Variants in SEMA5A observed in about 807,000 individuals in gnomAD.
SEMA5A encodes the protein semaphorin-5A.
In SEMA5A, 55 loss-of-function variants were observed where a neutral mutation model predicts 135.5. The observed-to-expected ratio is 0.41, with a 90% CI of 0.33 to 0.51. The LOEUF (loss-of-function observed/expected upper bound fraction) is 0.51. Among genes scored for constraint, SEMA5A ranks in the 20% least tolerant of loss-of-function variants. The probability of loss-of-function intolerance (pLI) is 0.37; values close to 1 mark genes in which losing one functional copy is unlikely to be tolerated. For missense variants in SEMA5A, 1,290 were observed against 1,419.9 expected (o/e 0.91, Z 1.47); for synonymous variants, 580 against 546.5 (o/e 1.06, Z -0.85).
chr5:9,412,490 CT>C (rs34854075), intron 2 of SEMA5A, among the ~76,000 whole-genome samples: 83,326 of 102,794 alleles, frequency 0.81, 33,545 homozygotes, highest in East Asian at 0.87. Flanking sequence ...TACTTCATTG[CT>C]TTTTTTTTTT....
chr5:9,521,160 A>C lies in SEMA5A; in HGVS notation c.-175+24424T>G, dbSNP rs187460022. ...CCTGGTGGCTCACACCTGTAATCCC[A>C]GCACTTTGGGAGGCTGAGGCAGGCA... On this transcript the variant is annotated intron_variant, in intron 1 of 22. Transcript: ENST00000382496. 5.0e-4 allele frequency among the ~76,000 whole-genome samples: 76 copies of C among 152,354 alleles called. No individual in the cohort carries two copies. In the East Asian group the frequency reaches 0.011, roughly 22 times the overall value.
At chr5:9,512,244 T>C (rs1736247154) in intron 1 of SEMA5A, among the ~76,000 whole-genome samples, 1 of 152,252 alleles carries the variant, frequency 6.6e-6, no homozygotes, top group African/African-American at 2.4e-5. Flanking sequence ...ACATTTACTT[T>C]TGTATGACTT....
At chr5:9,426,432 T>TAAATAAAATAAAATA (rs149891161) in intron 2 of SEMA5A, among the ~76,000 whole-genome samples, 32,360 of 120,832 alleles carry the variant, frequency 0.27, 5,348 homozygotes, top group Non-Finnish European at 0.31. Flanking sequence ...CTCAAAAAAA[T>TAAATAAAATAAAATA]AAATAAAATA....
chr5:9,412,542 A>C (rs546223799), intron 2 of SEMA5A, among the ~76,000 whole-genome samples: 8 of 147,156 alleles, frequency 5.4e-5, no homozygotes, highest in Non-Finnish European at 1.2e-4. Context: ...TTACAGGCTA[A>C]GAATCTCTTA....
At chr5:9,112,944 T>A (rs1368669561) in intron 15 of SEMA5A, among the ~76,000 whole-genome samples, 1 of 152,214 alleles carries the variant, frequency 6.6e-6, no homozygotes, top group Non-Finnish European at 1.5e-5. Context: ...GTCAAGGAAT[T>A]GAGGGCAGCC....
intron 11 of SEMA5A, among the ~76,000 whole-genome samples, chr5:9,170,687 G>T (rs549979270): frequency 6.6e-6 from 1 of 152,180 alleles, no homozygotes; most frequent in East Asian, 1.9e-4. Flanking sequence ...AGCCAGAAAA[G>T]GGTCCTCATG....
At chr5:9,544,655 C>CGGGGATCCCGAG (rs1311652885) in intron 1 of SEMA5A, among the ~76,000 whole-genome samples, 2 of 152,196 alleles carry the variant, frequency 1.3e-5, no homozygotes, top group Non-Finnish European at 2.9e-5. Flanking sequence ...CGCCCCCTGC[C>CGGGGATCCCGAG]GGGAATCCCG....
chr5:9,373,227 A>T (rs1755218679), intron 3 of SEMA5A, among the ~76,000 whole-genome samples: 1 of 152,240 alleles, frequency 6.6e-6, no homozygotes, highest in Admixed American at 6.5e-5. Flanking sequence ...ATATAATGAT[A>T]TGTTTTGAAA....
chr5:9,109,759 A>G (rs1740142377), intron 15 of SEMA5A, among the ~76,000 whole-genome samples: 1 of 152,218 alleles, frequency 6.6e-6, no homozygotes, highest in African/African-American at 2.4e-5. Context: ...AAATAAACAC[A>G]GGGACATGGA....
chr5:9,101,676 C>A (rs976495640), intron 16 of SEMA5A, among the ~76,000 whole-genome samples: 1 of 152,042 alleles, frequency 6.6e-6, no homozygotes, highest in South Asian at 2.1e-4. Context: ...AATCCAGGTC[C>A]ACCGGCTTGT....
chr5:9,202,385 CAGCTTA>C, intron 8 of SEMA5A, 145 bp from the exon 9 acceptor site: 1 of 603,222 alleles, frequency 1.7e-6, no homozygotes, highest in Non-Finnish European at 2.6e-6. Flanking sequence ...GCCCCGTGAG[CAGCTTA>C]ATGATCTACA....
chr5:9,163,320 TA>T (rs1310718334), intron 11 of SEMA5A, among the ~76,000 whole-genome samples: 1 of 151,906 alleles, frequency 6.6e-6, no homozygotes, highest in Non-Finnish European at 1.5e-5. Flanking sequence ...AAATTGACAA[TA>T]AAAATAAGCC....
At chr5:9,108,915 T>A (rs1165085590) in intron 15 of SEMA5A, among the ~76,000 whole-genome samples, 1 of 152,180 alleles carries the variant, frequency 6.6e-6, no homozygotes, top group Non-Finnish European at 1.5e-5. Flanking sequence ...CAAATATTAG[T>A]TCTATTTTTC....
chr5:9,324,777 C>T (rs1227833874), intron 4 of SEMA5A, among the ~76,000 whole-genome samples: 1 of 152,242 alleles, frequency 6.6e-6, no homozygotes. Context: ...ACCACTTTAT[C>T]TTGCAATTGT....
intron 16 of SEMA5A, among the ~76,000 whole-genome samples, chr5:9,100,812 G>A (rs1370543294): frequency 6.6e-6 from 1 of 152,118 alleles, no homozygotes; most frequent in African/African-American, 2.4e-5. Context: ...GAGTTTTTAT[G>A]CACTCAGTTC....
chr5:9,044,307 T>A lies in SEMA5A; in HGVS notation c.3105+66A>T, dbSNP rs970475801. The A allele has an allele frequency of 1.6e-5, 22 of 1,360,084 alleles. No homozygotes were observed. The East Asian group carries it at 2.3e-4, about 14-fold the overall frequency. The allele number at this position is 1,360,084 out of a possible 1,614,324, so 84.3% of individuals were successfully genotyped here. On this transcript the variant is annotated intron_variant, in intron 22 of 22. Coordinates refer to ENST00000382496, the MANE Select transcript of SEMA5A (RefSeq NM_003966.3). Reference sequence around the variant, plus strand: ...AAACCACCACAGCAGAGAAAGGGCATCAAAATACTCCCTACAAGTGTTAAG... The same window carrying A: ...AAACCACCACAGCAGAGAAAGGGCAACAAAATACTCCCTACAAGTGTTAAG...
At chr5:9,137,277 AAAATT>A (rs1208808536) in intron 12 of SEMA5A, among the ~76,000 whole-genome samples, 1 of 152,234 alleles carries the variant, frequency 6.6e-6, no homozygotes, top group Non-Finnish European at 1.5e-5. Context: ...TAAACGTATT[AAAATT>A]TTCAATTTAA....
chr5:9,285,929 A>G (rs1750772712), intron 5 of SEMA5A, among the ~76,000 whole-genome samples: 1 of 152,234 alleles, frequency 6.6e-6, no homozygotes, highest in African/African-American at 2.4e-5. Context: ...GTAATGATAA[A>G]TGGTTGAGGT....
intron 2 of SEMA5A, among the ~76,000 whole-genome samples, chr5:9,398,668 A>T (rs1328794578): frequency 6.6e-6 from 1 of 152,218 alleles, no homozygotes; most frequent in Non-Finnish European, 1.5e-5. Context: ...AGTCTCTTCC[A>T]TTTACCAAAT....
Sources: allele counts gnomAD v4.1 joint callset (sites outside exome capture counted in the v4.1 genomes callset), GRCh38; gene constraint gnomAD v4.1.1; transcripts MANE v1.5; gene names NCBI Gene and HGNC (gene_info 2026-07-23, HGNC 2026-07-21).